BCL9: variants seen among roughly 807,000 people sequenced by gnomAD.
The protein encoded by BCL9 is B-cell CLL/lymphoma 9 protein.
A neutral mutation model predicts 88.5 loss-of-function variants in BCL9; 25 were observed. That is an observed-to-expected ratio of 0.28 (90% confidence interval 0.21 to 0.39). The LOEUF is 0.39. Ranked by LOEUF, BCL9 falls within the 10% of genes least tolerant of loss-of-function variation. The probability of loss-of-function intolerance (pLI) is 1.00; values close to 1 mark genes in which losing one functional copy is unlikely to be tolerated. For missense variants in BCL9, 1,817 were observed against 1,877.8 expected (o/e 0.97, Z 0.60); for synonymous variants, 711 against 673.3 (o/e 1.06, Z -0.87).
At chr1:147,618,794 T>A in intron 7 of BCL9, 22 bp from the exon 8 acceptor site, 1 of 1,508,318 alleles carries the variant, frequency 6.6e-7, no homozygotes, top group Non-Finnish European at 8.9e-7. Flanking sequence ...TAATGATTTT[T>A]AAACTATTTG....
At chr1:147,607,017 C>T (rs1037033201) in intron 3 of BCL9, among the ~76,000 whole-genome samples, 151 bp downstream of exon 3, 2 of 152,152 alleles carry the variant, frequency 1.3e-5, no homozygotes, top group African/African-American at 4.8e-5. Flanking sequence ...TGCCCTTGGT[C>T]ACCACCATTT....
intron 1 of BCL9, among the ~76,000 whole-genome samples, chr1:147,542,071 C>A (rs1353021132): frequency 6.6e-6 from 1 of 152,150 alleles, no homozygotes; most frequent in Non-Finnish European, 1.5e-5. Context: ...TGTGCATTCT[C>A]AGGCTGAGCA....
Position 147,619,092 on chromosome 1 carries a change from G to T in BCL9, c.937G>T (p.Ala313Ser), listed in dbSNP as rs1553204373. ...TGPNSTPNNRAVTPVSQGSNS... is the reference protein window; with the variant it reads ...TGPNSTPNNRSVTPVSQGSNS... ...GCCCAACTCAACTCCCAACAATAGG[G>T]CAGTGACCCCTGTCTCCCAGGGGAG... The change falls in exon 8 of 10, where the codon GCA (alanine) becomes TCA (serine). Residue 313 changes from alanine to serine, a missense_variant. Physicochemically the swap from Ala to Ser is moderately conservative, Grantham distance 99. This residue lies in a region of BCL9 where 1,228 missense variants were observed against 1,191.6 expected (regional missense o/e 1.03). Transcript: ENST00000234739. This position sits in a 1 kb window ranked among gnomAD's most constrained non-coding sequence, Gnocchi z 4.1. The T allele has an allele frequency of 1.2e-6, 2 of 1,613,706 alleles. No homozygotes were observed. Among genetic ancestry groups the T allele is most frequent in the Non-Finnish European group, 1.7e-6 (2 of 1,179,844 alleles).
intron 1 of BCL9, among the ~76,000 whole-genome samples, chr1:147,547,016 T>G (rs1451741110): frequency 1.3e-5 from 2 of 152,126 alleles, no homozygotes; most frequent in African/African-American, 2.4e-5. Flanking sequence ...TTTTTTATAT[T>G]GTGCTCACAT....
In BCL9 at chr1:147,625,034, A is replaced by G; in HGVS notation, c.*75A>G. 2 of 1,526,208 alleles carry G rather than the reference A, an allele frequency of 1.3e-6. No homozygotes were observed. The highest frequency in any genetic ancestry group is 1.8e-6 in the Non-Finnish European group (2 of 1,129,466). 94.5% of individuals were successfully genotyped at this position (1,526,208 alleles called of 1,614,324 possible). On this transcript the variant is annotated 3_prime_UTR_variant, in exon 10 of 10. Coordinates refer to ENST00000234739, the MANE Select transcript of BCL9 (RefSeq NM_004326.4). The stretch of plus-strand genomic sequence containing the variant: ...CTGAGAGCTGCTTTGAGGGAGTTCC[A>G]GGAGTACTTACTATTGGTCATGCAA...
chr1:147,585,089 G>A (rs1553199035), intron 1 of BCL9, among the ~76,000 whole-genome samples: 1 of 152,152 alleles, frequency 6.6e-6, no homozygotes, highest in Non-Finnish European at 1.5e-5. Context: ...TTTACCAGGT[G>A]TGAAAATTGG....
intron 1 of BCL9, among the ~76,000 whole-genome samples, chr1:147,603,288 AT>A (rs1657494949): frequency 1.3e-5 from 2 of 152,240 alleles, no homozygotes; most frequent in African/African-American, 4.8e-5. Context: ...AGTGATGACA[AT>A]TGTAGAAATG....
chr1:147,605,210 G>A (rs1223248838), intron 2 of BCL9, among the ~76,000 whole-genome samples: 11 of 152,178 alleles, frequency 7.2e-5, no homozygotes, highest in Admixed American at 6.5e-4. Flanking sequence ...CAAGGTAAAG[G>A]TAGCAATACA....
chr1:147,556,002 C>T (rs1199817842), intron 1 of BCL9, among the ~76,000 whole-genome samples: 1 of 152,128 alleles, frequency 6.6e-6, no homozygotes, highest in Non-Finnish European at 1.5e-5. Context: ...TCTTGGTGAG[C>T]AGACAGCTCC....
At chr1:147,574,360 T>C (rs1354081217) in intron 1 of BCL9, among the ~76,000 whole-genome samples, 1 of 152,178 alleles carries the variant, frequency 6.6e-6, no homozygotes, top group East Asian at 1.9e-4. Context: ...GTTTTTACAG[T>C]ATTTGTTTCA....
Position 147,618,848 on chromosome 1 carries a change from G to A in BCL9, c.693G>A (p.Pro231=), listed in dbSNP as rs376720843. Residue 231 remains proline (P), a synonymous_variant, in exon 8 of 10, where the codon CCG becomes CCA. Coordinates refer to ENST00000234739, the MANE Select transcript of BCL9 (RefSeq NM_004326.4). ...NTQISALRND[P]KPLPQQPPAP... ...AGATATCTGCCCTTCGGAATGATCC[G>A]AAACCTCTCCCACAACAGCCCCCAG... The A allele has an allele frequency of 1.8e-5, 28 of 1,582,544 alleles. No homozygotes were observed. The Middle Eastern group carries it at 5.1e-4, about 29-fold the overall frequency.
chr1:147,613,149 C>A lies in BCL9; in HGVS notation c.320C>A (p.Ser107Tyr). 6.2e-7 allele frequency: 1 copy of A among 1,614,170 alleles called. No individual in the cohort carries two copies. ...GKRERSISAD[S>Y]FDQRDPGTPN... ...AGGGAGCGAAGTATTTCCGCCGACT[C>A]CTTTGATCAGAGAGATCCTGGGACT... Residue 107 changes from serine to tyrosine, a missense_variant, in exon 5 of 10, where the codon TCC (serine) becomes TAC (tyrosine). Coordinates refer to ENST00000234739, the MANE Select transcript of BCL9 (RefSeq NM_004326.4).
chr1:147,579,573 A>C (rs587732379), intron 1 of BCL9, among the ~76,000 whole-genome samples: 1 of 152,344 alleles, frequency 6.6e-6, no homozygotes, highest in East Asian at 1.9e-4. Flanking sequence ...CTTAGACATC[A>C]GAAACTGAGA....
intron 1 of BCL9, among the ~76,000 whole-genome samples, chr1:147,602,653 G>A (rs773591834): frequency 3.4e-4 from 52 of 152,244 alleles, no homozygotes; most frequent in Non-Finnish European, 6.5e-4. Flanking sequence ...AGATGATAAT[G>A]GTTTCAAAAG....
rs35324998 is a variant in BCL9, at chr1:147,608,330, C to CTTTTTTTTTT, written c.-260+1475_-260+1484dup. Among the ~76,000 whole-genome samples the CTTTTTTTTTT allele has an allele frequency of 5.9e-5, 6 of 101,056 alleles. 1 individual carries two copies. Among genetic ancestry groups the CTTTTTTTTTT allele is most frequent in the South Asian group, 3.6e-4 (1 of 2,754 alleles). 66.3% of individuals were successfully genotyped at this position (101,056 alleles called of 152,430 possible). A position where few individuals can be genotyped will look rare whatever the true frequency, so the allele number is the denominator to read the frequency against. On this transcript the variant is annotated intron_variant, in intron 3 of 9. Coordinates refer to ENST00000234739, the MANE Select transcript of BCL9 (RefSeq NM_004326.4). Reference sequence around the variant, plus strand: ...AATGCTAGACCTGGGTTTTGTTTTGCTTTTTTTTTTTTTTTTTTTTAGCAC... The same window carrying CTTTTTTTTTT: ...AATGCTAGACCTGGGTTTTGTTTTGCTTTTTTTTTTTTTTTTTTTTTTTTTTTTTTAGCAC...
intron 3 of BCL9, among the ~76,000 whole-genome samples, chr1:147,608,490 T>C (rs1657842612): frequency 6.6e-6 from 1 of 152,034 alleles, no homozygotes; most frequent in Admixed American, 6.6e-5. Context: ...GATTGACTTT[T>C]GGGAGAAAGT....
intron 1 of BCL9, among the ~76,000 whole-genome samples, chr1:147,593,296 G>T (rs1395180322): frequency 6.6e-6 from 1 of 152,120 alleles, no homozygotes; most frequent in Non-Finnish European, 1.5e-5. Flanking sequence ...TTTTGCTTCT[G>T]CTCTGCCATT....
At position 147,620,887 on chromosome 1, in the gene BCL9, T is replaced by C. The variant is rs1553205228; in HGVS notation, c.2732T>C (p.Leu911Ser). 6.2e-7 allele frequency: 1 copy of C among 1,614,134 alleles called. No homozygotes were observed. Among genetic ancestry groups the C allele is most frequent in the South Asian group, 1.1e-5 (1 of 91,086 alleles). ...AAASIKSPPV[L>S]GSAAASPVHL... ...GCTTCCATTAAGTCCCCCCCTGTTT[T>C]GGGGTCTGCTGCTGCTTCACCTGTC... is the stretch of plus-strand genomic sequence containing the variant. The change falls in exon 8 of 10, where the codon TTG (leucine) becomes TCG (serine). Residue 911 changes from leucine (L) to serine (S), a missense_variant. This residue lies in a region of BCL9 where 1,228 missense variants were observed against 1,191.6 expected (regional missense o/e 1.03). Transcript: ENST00000234739.
intron 1 of BCL9, among the ~76,000 whole-genome samples, chr1:147,592,877 A>C (rs908530951): frequency 1.3e-5 from 2 of 152,108 alleles, no homozygotes; most frequent in Non-Finnish European, 2.9e-5. Flanking sequence ...ACTCCACTTT[A>C]TGGGGGAAAA....
Sources: gnomAD v4.1 joint callset for allele counts (sites outside exome capture counted in the v4.1 genomes callset) on GRCh38, gnomAD v4.1.1 for gene constraint, gnomAD v4.1.1 regional missense constraint, Gnocchi (gnomAD v3.1) non-coding constraint, MANE v1.5 for transcripts, NCBI Gene and HGNC (gene_info 2026-07-23, HGNC 2026-07-21) for gene names.